Variants in AFF2 observed in about 807,000 individuals in gnomAD.
AFF2 encodes ALF transcription elongation factor 2, also known as AF4/FMR2 family member 2.
In AFF2, 14 loss-of-function variants were observed where a neutral mutation model predicts 76.9. The observed-to-expected ratio is 0.18, with a 90% confidence interval of 0.12 to 0.28. The LOEUF is 0.28. AFF2 is among the 10% of genes least tolerant of loss of function. AFF2 has a pLI of 1.00. For missense variants in AFF2, 868 were observed against 1,001.1 expected (o/e 0.87, Z 1.79); for synonymous variants, 398 against 366.7 (o/e 1.09, Z -0.98).
chrX:148,790,350 A>T (rs2069875391), intron 3 of AFF2, among the ~76,000 whole-genome samples: 1 of 111,663 alleles, frequency 9.0e-6, no homozygotes, highest in Non-Finnish European at 1.9e-5. Flanking sequence ...ATATAACCAA[A>T]TGAATATAAA....
intron 9 of AFF2, among the ~76,000 whole-genome samples, chrX:148,931,118 G>A (rs2071707262): frequency 9.2e-6 from 1 of 108,852 alleles, no homozygotes; most frequent in South Asian, 4.2e-4. Context: ...TCTGGGTGTG[G>A]TGGCACACGC....
chrX:148,759,906 C>T lies in AFF2; in HGVS notation c.1042-49970C>T, dbSNP rs997650773. Among the ~76,000 whole-genome samples, 10 of 111,754 alleles carry T rather than the reference C, an allele frequency of 8.9e-5. No homozygotes were observed. The Admixed American group carries it at 9.5e-4, about 11-fold the overall frequency. ...AGCCTGGAATAAGAAATTATTGTCC[C>T]ACCAAGTAAATCCAGTAATGCCATC... On this transcript the variant is annotated intron_variant, in intron 3 of 20. Coordinates refer to ENST00000370460, the MANE Select transcript of AFF2 (RefSeq NM_002025.4).
At chrX:148,537,336 A>C (rs781985118) in intron 1 of AFF2, among the ~76,000 whole-genome samples, 2 of 111,737 alleles carry the variant, frequency 1.8e-5, no homozygotes, top group African/African-American at 6.5e-5. Flanking sequence ...GATGTTGCTT[A>C]GGAGAGAGGT....
Position 148,662,439 on chromosome X carries a change from T to C in AFF2, c.712T>C (p.Ser238Pro), listed in dbSNP as rs1230083815. The change falls in exon 3 of 21, where the codon TCA (serine) becomes CCA (proline). Residue 238 changes from serine to proline, a missense_variant. Coordinates refer to ENST00000370460, the MANE Select transcript of AFF2 (RefSeq NM_002025.4). The stretch of plus-strand genomic sequence containing the variant: ...TTTCAAAGAAATCTTTCAATCCAAT[T>C]CACCGGAAGAATCTGAATTCGCCGT... Reference protein sequence around the residue: ...DAFKEIFQSNSPEESEFAVQA... With the variant: ...DAFKEIFQSNPPEESEFAVQA... The C allele has an allele frequency of 8.3e-7, 1 of 1,210,263 alleles. No individual in the cohort carries two copies. Among genetic ancestry groups the C allele is most frequent in the African/African-American group, 1.7e-5 (1 of 57,267 alleles).
chrX:148,793,316 C>T (rs1385423321), intron 3 of AFF2, among the ~76,000 whole-genome samples: 1 of 111,786 alleles, frequency 8.9e-6, no homozygotes, highest in Non-Finnish European at 1.9e-5. Context: ...CAAAAAGGTG[C>T]CCACAGACTT....
chrX:148,779,960 A>G (rs188266671), intron 3 of AFF2, among the ~76,000 whole-genome samples: 51 of 112,087 alleles, frequency 4.6e-4, no homozygotes, highest in Non-Finnish European at 7.3e-4. Context: ...AAAATCCCTC[A>G]GCATTTGCTT....
intron 3 of AFF2, among the ~76,000 whole-genome samples, chrX:148,682,355 T>G (rs1393750480): frequency 8.9e-6 from 1 of 112,054 alleles, no homozygotes; most frequent in African/African-American, 3.2e-5. Context: ...TCCCGACATC[T>G]ACAATCCTTT....
chrX:148,953,388 G>C (rs1360420354), intron 9 of AFF2, among the ~76,000 whole-genome samples, 192 bp from the exon 10 acceptor site: 1 of 111,557 alleles, frequency 9.0e-6, no homozygotes, highest in Non-Finnish European at 1.9e-5. Context: ...CATAGGCCTG[G>C]TTCTCTTCAA....
At chrX:148,962,555 C>A (rs1002091167) in intron 12 of AFF2, among the ~76,000 whole-genome samples, 160 bp from the exon 13 acceptor site, 29 of 111,640 alleles carry the variant, frequency 2.6e-4, no homozygotes, top group African/African-American at 9.4e-4. Context: ...ATAAAGATAT[C>A]TATATCTATG....
chrX:148,702,086 A>G (rs1006277065), intron 3 of AFF2, among the ~76,000 whole-genome samples: 4 of 112,018 alleles, frequency 3.6e-5, no homozygotes, highest in Non-Finnish European at 5.6e-5. Context: ...CTGGAAAAGT[A>G]CTTAATATAA....
intron 1 of AFF2, among the ~76,000 whole-genome samples, chrX:148,603,054 G>T (rs1557248298): frequency 9.0e-6 from 1 of 111,523 alleles, no homozygotes; most frequent in African/African-American, 3.3e-5. Flanking sequence ...AATGTGTCTA[G>T]TGAGTCAAGG....
intron 3 of AFF2, among the ~76,000 whole-genome samples, chrX:148,687,380 G>A (rs1194432443): frequency 8.9e-6 from 1 of 111,781 alleles, no homozygotes; most frequent in Admixed American, 9.5e-5. Context: ...TCACATGAAG[G>A]TATCCTTGTT....
intron 9 of AFF2, among the ~76,000 whole-genome samples, chrX:148,935,416 CACAT>C (rs1281648815): frequency 3.6e-5 from 4 of 109,694 alleles, no homozygotes; most frequent in African/African-American, 1.4e-4. Flanking sequence ...CACACACACA[CACAT>C]ATATATGAAT....
At chrX:148,935,812 A>G (rs906644143) in intron 9 of AFF2, among the ~76,000 whole-genome samples, 1 of 111,076 alleles carries the variant, frequency 9.0e-6, no homozygotes, top group Non-Finnish European at 1.9e-5. Flanking sequence ...CAGAATTTGG[A>G]GAGAAATGTG....
At chrX:148,740,744 T>C (rs781789685) in intron 3 of AFF2, among the ~76,000 whole-genome samples, 5 of 111,708 alleles carry the variant, frequency 4.5e-5, no homozygotes, top group Non-Finnish European at 9.4e-5. Flanking sequence ...ATTACCAGGG[T>C]TGGTTTTCTG....
intron 3 of AFF2, among the ~76,000 whole-genome samples, chrX:148,698,797 G>GTTTTTTTTT (rs142604433): frequency 1.1e-4 from 8 of 71,691 alleles, no homozygotes; most frequent in Non-Finnish European, 1.4e-4. Context: ...GAGTTCTAGT[G>GTTTTTTTTT]TTTTTTTTTT....
At position 148,826,654 on chromosome X, in the gene AFF2, G is replaced by A. The variant is rs782810147; in HGVS notation, c.1087-10993G>A. Among the ~76,000 whole-genome samples the A allele has an allele frequency of 3.6e-5, 4 of 111,914 alleles. No homozygotes were observed. In the South Asian group the frequency reaches 1.5e-3, roughly 42 times the overall value. Reference sequence around the variant, plus strand: ...TTTAGAAAGTTCTCCTTCTTCATCAGTCAAATATCCTTTTAGAAAAAGATA... The same window carrying A: ...TTTAGAAAGTTCTCCTTCTTCATCAATCAAATATCCTTTTAGAAAAAGATA... On this transcript the variant is annotated intron_variant, in intron 4 of 20. Transcript: ENST00000370460.
rs782700546 is a variant in AFF2 at position 148,700,275 on chromosome X, ACAGGAC to A, written c.1041+37512_1041+37517del. Among the ~76,000 whole-genome samples the A allele has an allele frequency of 2.7e-5, 3 of 111,556 alleles. No homozygotes were observed. The South Asian group carries it at 1.1e-3, about 42-fold the overall frequency. On this transcript the variant is annotated intron_variant, in intron 3 of 20. Coordinates refer to ENST00000370460, the MANE Select transcript of AFF2 (RefSeq NM_002025.4). ...TCTGTTCAAACCAGCCTTCCCTGCA[ACAGGAC>A]CAGGCAAGCAGGCTGACTCCCAGGG...
intron 3 of AFF2, among the ~76,000 whole-genome samples, chrX:148,695,890 A>G (rs1047849739): frequency 5.3e-5 from 6 of 112,277 alleles, no homozygotes; most frequent in Non-Finnish European, 1.1e-4. Flanking sequence ...TTTAACTAAA[A>G]CTAGAGCACT....
Sources: allele counts gnomAD v4.1 joint callset (sites outside exome capture counted in the v4.1 genomes callset), GRCh38; gene constraint gnomAD v4.1.1; transcripts MANE v1.5; gene names NCBI Gene and HGNC (gene_info 2026-07-23, HGNC 2026-07-21).